Variants in GATA4 observed in about 807,000 individuals in gnomAD.
GATA4 encodes the protein GATA binding protein 4, also known as transcription factor GATA-4.
In GATA4, 7 loss-of-function variants were observed where a neutral mutation model predicts 37.9. That is an observed-to-expected ratio of 0.18 (90% confidence interval 0.11 to 0.35). The LOEUF (loss-of-function observed/expected upper bound fraction) is 0.35, where lower values mean the gene tolerates loss of function less well. Ranked by LOEUF, GATA4 falls within the 10% of genes least tolerant of loss-of-function variation. The pLI is 1.00. For missense variants in GATA4, 647 were observed against 653.0 expected (o/e 0.99, Z 0.10); for synonymous variants, 372 against 292.6 (o/e 1.27, Z -2.77).
At chr8:11,715,016 A>G (rs1231059849) in intron 2 of GATA4, among the ~76,000 whole-genome samples, 1 of 152,224 alleles carries the variant, frequency 6.6e-6, no homozygotes, top group African/African-American at 2.4e-5. Flanking sequence ...TAATAACAAA[A>G]TTGGAAATAA....
chr8:11,693,149 A>G (rs1291607370), intron 1 of GATA4: 1 of 900,402 alleles, frequency 1.1e-6, no homozygotes, highest in Admixed American at 6.2e-5. Context: ...ATTTGTTCCT[A>G]AAGAGCTGTA....
At position 11,704,225 on chromosome 8, in the gene GATA4, A is replaced by T. The variant is rs944754772; in HGVS notation, c.-537A>T. On this transcript the variant is annotated 5_prime_UTR_variant, in exon 1 of 7. Transcript: ENST00000532059. ...CTGGGGACTTGGAGGCGGCCGGCGC[A>T]GGGGCCGCGAGAGGCTTCGTCGCCG... The T allele has an allele frequency of 6.6e-6, 1 of 152,258 alleles. No homozygotes were observed. Among genetic ancestry groups the T allele is most frequent in the Non-Finnish European group, 1.5e-5 (1 of 68,100 alleles). 9.4% of individuals were successfully genotyped at this position (152,258 alleles called of 1,614,324 possible).
chr8:11,727,752 G>T (rs765079152), intron 2 of GATA4, among the ~76,000 whole-genome samples: 3 of 151,788 alleles, frequency 2.0e-5, no homozygotes, highest in Admixed American at 2.0e-4. Flanking sequence ...GCGGTGGGAC[G>T]ATCACTTGAG....
At chr8:11,693,230 C>G (rs1183768244) in intron 1 of GATA4, among the ~76,000 whole-genome samples, 1 of 152,174 alleles carries the variant, frequency 6.6e-6, no homozygotes, top group Non-Finnish European at 1.5e-5. Context: ...CTTAGTGAGG[C>G]AGAGGCGGCA....
At chr8:11,746,858 C>A (rs1488743186) in intron 2 of GATA4, among the ~76,000 whole-genome samples, 1 of 152,248 alleles carries the variant, frequency 6.6e-6, no homozygotes, top group East Asian at 1.9e-4. Flanking sequence ...GCTCCCTGGC[C>A]TGAGCAAATA....
intron 1 of GATA4, among the ~76,000 whole-genome samples, chr8:11,705,533 C>A (rs1184975893): frequency 1.3e-5 from 2 of 152,100 alleles, no homozygotes; most frequent in Non-Finnish European, 1.5e-5. Context: ...TGTTGGCCTG[C>A]GAATTTGGGG....
intron 2 of GATA4, among the ~76,000 whole-genome samples, chr8:11,722,825 A>G (rs73203495): frequency 0.14 from 20,744 of 152,178 alleles, 1,804 homozygotes; most frequent in South Asian, 0.28. Flanking sequence ...GTAATATTCT[A>G]CTGCCACCAT....
At chr8:11,737,014 A>C (rs1263267176) in intron 2 of GATA4, among the ~76,000 whole-genome samples, 1 of 151,644 alleles carries the variant, frequency 6.6e-6, no homozygotes, top group Non-Finnish European at 1.5e-5. Context: ...ATCCCTTGCA[A>C]CTTGGCTTAG....
At chr8:11,705,438 CT>C (rs558860670) in intron 1 of GATA4, among the ~76,000 whole-genome samples, 2 of 152,206 alleles carry the variant, frequency 1.3e-5, no homozygotes, top group Non-Finnish European at 2.9e-5. Flanking sequence ...GGGACGGGGA[CT>C]TTTCGGCGCT....
At chr8:11,701,203 A>G (rs1376543498), upstream of GATA4, among the ~76,000 whole-genome samples, 1 of 150,444 alleles carries the variant, frequency 6.6e-6, no homozygotes, top group African/African-American at 2.4e-5. Context: ...TTTGTCTAAA[A>G]TCTGACGACC....
intron 1 of GATA4, chr8:11,681,529 G>A (rs916130157): frequency 2.2e-6 from 2 of 905,298 alleles, no homozygotes; most frequent in Non-Finnish European, 2.6e-6. Context: ...TCCCTCTCGG[G>A]AACGGCTGCT....
Position 11,707,637 on chromosome 8 carries a change from T to C in GATA4, c.-457-219T>C, listed in dbSNP as rs145427837. On this transcript the variant is annotated intron_variant, in intron 1 of 6. Coordinates refer to ENST00000532059, the MANE Select transcript of GATA4 (RefSeq NM_001308093.3). The surrounding 1 kb of genome is among the most constrained non-coding windows in gnomAD (Gnocchi z 4.7). The stretch of plus-strand genomic sequence containing the variant: ...AAAGACCCGGGAAGCCCCTGGTCCC[T>C]GGGGCGCCTCTCCCCAGGCTTGCCT... Among the ~76,000 whole-genome samples, 216 of 152,304 alleles carry C rather than the reference T, an allele frequency of 1.4e-3. No homozygotes were observed. The highest frequency in any genetic ancestry group is 5.0e-3 in the African/African-American group (207 of 41,568).
At chr8:11,751,493 T>G (rs1394647890) in intron 4 of GATA4, among the ~76,000 whole-genome samples, 1 of 152,126 alleles carries the variant, frequency 6.6e-6, no homozygotes, top group East Asian at 1.9e-4. Context: ...AGGACACTCT[T>G]TTTGCTGTGT....
chr8:11,694,855 GTCTC>G (rs944185250), intron 1 of GATA4, among the ~76,000 whole-genome samples: 6 of 151,906 alleles, frequency 3.9e-5, no homozygotes, highest in African/African-American at 1.5e-4. Flanking sequence ...CTCTCTCTCT[GTCTC>G]TCTCTCACTC....
At chr8:11,732,646 G>A (rs143586983) in intron 2 of GATA4, among the ~76,000 whole-genome samples, 1 of 152,192 alleles carries the variant, frequency 6.6e-6, no homozygotes, top group African/African-American at 2.4e-5. Context: ...CTGGAGGCTA[G>A]AGGAAGAGGA....
chr8:11,686,661 G>C (rs1164784519), intron 1 of GATA4, among the ~76,000 whole-genome samples: 1 of 152,186 alleles, frequency 6.6e-6, no homozygotes, highest in Non-Finnish European at 1.5e-5. Flanking sequence ...GATGATTCTT[G>C]CAGGGGTGAG....
At chr8:11,723,500 C>T (rs1563209604) in intron 2 of GATA4, among the ~76,000 whole-genome samples, 1 of 152,146 alleles carries the variant, frequency 6.6e-6, no homozygotes, top group East Asian at 1.9e-4. Context: ...TCTTGCTTTC[C>T]ATCCTATAAA....
At chr8:11,714,092 C>T (rs1253043281) in intron 2 of GATA4, among the ~76,000 whole-genome samples, 1 of 152,032 alleles carries the variant, frequency 6.6e-6, no homozygotes, top group Admixed American at 6.5e-5. Context: ...TGTAAATATG[C>T]CTTGACGGAT....
intron 2 of GATA4, among the ~76,000 whole-genome samples, chr8:11,731,229 T>G (rs1054838869): frequency 3.3e-5 from 5 of 152,248 alleles, no homozygotes; most frequent in African/African-American, 9.6e-5. Flanking sequence ...ATTTGATTGA[T>G]GTATTTTGAG....
Sources: allele counts gnomAD v4.1 joint callset (sites outside exome capture counted in the v4.1 genomes callset), GRCh38; gene constraint gnomAD v4.1.1; non-coding constraint Gnocchi (gnomAD v3.1); transcripts MANE v1.5; gene names NCBI Gene and HGNC (gene_info 2026-07-23, HGNC 2026-07-21).